TCP11: variants seen among roughly 807,000 people sequenced by gnomAD.
The protein encoded by TCP11 is t-complex 11.
Under a neutral mutation model 45.0 loss-of-function variants are expected in TCP11, and 34 were observed. The ratio of observed to expected loss-of-function variants is 0.76; its 90% CI spans 0.57 to 1.01. TCP11 has a LOEUF of 1.01. TCP11 is among the 50% of genes least tolerant of loss of function. The probability of loss-of-function intolerance (pLI) is 0.00; values close to 1 mark genes in which losing one functional copy is unlikely to be tolerated. For missense variants in TCP11, 523 were observed against 598.1 expected (o/e 0.87, Z 1.31); for synonymous variants, 227 against 227.0 (o/e 1.00, Z 0.00).
intron 2 of TCP11, chr6:35,140,129 A>G: frequency 6.2e-7 from 1 of 1,612,882 alleles, no homozygotes; most frequent in Non-Finnish European, 8.5e-7. Flanking sequence ...TTCAGCCGCA[A>G]AGCCTCAATC....
intron 2 of TCP11, among the ~76,000 whole-genome samples, chr6:35,138,787 C>T (rs550820146): frequency 6.6e-6 from 1 of 152,094 alleles, no homozygotes; most frequent in African/African-American, 2.4e-5. Flanking sequence ...TGATGTGTAC[C>T]GCATTTACCC....
chr6:35,133,322 G>A (rs539338411), intron 3 of TCP11, among the ~76,000 whole-genome samples: 35 of 152,022 alleles, frequency 2.3e-4, no homozygotes, highest in African/African-American at 7.7e-4. Flanking sequence ...GACTACAGGC[G>A]TGCACCACCA....
At chr6:35,119,206 A>ACTAC (rs758285561) in intron 9 of TCP11, 22 bp downstream of exon 9, 14 of 1,612,550 alleles carry the variant, frequency 8.7e-6, no homozygotes, top group Admixed American at 6.7e-5. Flanking sequence ...CACCATTCTT[A>ACTAC]CTACCCCACA....
At chr6:35,118,766 T>C (rs191814743) in intron 9 of TCP11, among the ~76,000 whole-genome samples, 117 of 152,338 alleles carry the variant, frequency 7.7e-4, no homozygotes, top group Non-Finnish European at 1.2e-3. Context: ...TAGTGAGTGT[T>C]TGACATAACA....
intron 4 of TCP11, chr6:35,128,814 T>G: frequency 2.3e-6 from 1 of 428,830 alleles, no homozygotes; most frequent in Non-Finnish European, 4.1e-6. Flanking sequence ...TAGATGCCCT[T>G]TTATCTGATA....
chr6:35,129,064 C>CT lies in TCP11; in HGVS notation c.354dup (p.Glu119ArgfsTer17). 1 of 1,613,818 alleles carries CT rather than the reference C, an allele frequency of 6.2e-7. No homozygotes were observed. The highest frequency in any genetic ancestry group is 1.3e-5 in the African/African-American group (1 of 75,032). Reference sequence around the variant, plus strand: ...TTTACAAATGGAAGGTCACTCACCTCTTTAATTTCTTTCAGAAGTTCAAGA... The same window carrying CT: ...TTTACAAATGGAAGGTCACTCACCTCTTTTAATTTCTTTCAGAAGTTCAAGA... On this transcript the variant is annotated frameshift_variant, in exon 4 of 10. Coordinates refer to ENST00000311875, the MANE Select transcript of TCP11 (RefSeq NM_001370687.1). LOFTEE classifies it high-confidence loss of function.
At position 35,129,125 on chromosome 6, in the gene TCP11, C is replaced by T. The variant is rs747026593; in HGVS notation, c.294G>A (p.Glu98=). 3.1e-6 allele frequency: 5 copies of T among 1,614,128 alleles called. No individual in the cohort carries two copies. In the East Asian group the frequency reaches 1.1e-4, roughly 36 times the overall value. ...AGTCAGGGGGAGTTGCTGATAGTTG[C>T]TCTTTAAGATGGTCCCAAAAGGCAT... The part of the protein sequence containing the change: ...VHNAFWDHLK[E]QLSATPPDFS... The change falls in exon 4 of 10, where the codon GAG becomes GAA. Residue 98 remains glutamate (E), a synonymous_variant. Coordinates refer to ENST00000311875, the MANE Select transcript of TCP11 (RefSeq NM_001370687.1).
At chr6:35,126,670 T>G (rs1316100715) in intron 4 of TCP11, among the ~76,000 whole-genome samples, 2 of 147,880 alleles carry the variant, frequency 1.4e-5, no homozygotes, top group Admixed American at 1.4e-4. Context: ...TTTTTTTTTT[T>G]TTTTTTGAGA....
At chr6:35,121,458 C>T (rs1236534772) in intron 5 of TCP11, among the ~76,000 whole-genome samples, 4 of 146,784 alleles carry the variant, frequency 2.7e-5, no homozygotes, top group African/African-American at 5.1e-5. Context: ...TTGTGAAATA[C>T]GGATGACCAC....
intron 3 of TCP11, among the ~76,000 whole-genome samples, chr6:35,134,430 A>AC (rs1177826003): frequency 1.3e-5 from 2 of 151,758 alleles, no homozygotes. Flanking sequence ...ACAGGCTCGC[A>AC]CCACCATGCC....
chr6:35,122,203 G>T lies in TCP11; in HGVS notation c.492C>A (p.Leu164=). The T allele has an allele frequency of 6.2e-7, 1 of 1,614,198 alleles. No homozygotes were observed. The highest frequency in any genetic ancestry group is 8.5e-7 in the Non-Finnish European group (1 of 1,180,048). Residue 164 remains leucine (L), a synonymous_variant, in exon 5 of 10, where the codon CTC becomes CTA. Transcript: ENST00000311875. ...LKVLYLSKYV[L]NMMALLCAPV... ...GTGCACACAGCAAAGCCATCATGTT[G>T]AGAACGTACTTAGAGAGATAGAGGA...
Position 35,119,286 on chromosome 6 carries a change from A to C in TCP11, c.1221T>G (p.Ser407=), listed in dbSNP as rs2234048. The C allele has an allele frequency of 5.4e-4, 865 of 1,614,204 alleles. 4 individuals carry two copies. In the African/African-American group the frequency reaches 9.9e-3, roughly 18 times the overall value. The stretch of plus-strand genomic sequence containing the variant: ...CAATGTTCTGGAGCTGTCCCATTAG[A>C]GATGCTGTATTATCACTGCTTAGAG... The part of the protein sequence containing the change: ...LVALSSDNTA[S]LMGQLQNIAK... Residue 407 remains serine, a synonymous_variant, in exon 9 of 10, where the codon TCT becomes TCG. Coordinates refer to ENST00000311875, the MANE Select transcript of TCP11 (RefSeq NM_001370687.1).
At position 35,141,098 on chromosome 6, in the gene TCP11, A is replaced by T. The variant is rs1051095471; in HGVS notation, c.-15+107T>A. On this transcript the variant is annotated intron_variant, in intron 1 of 9. Transcript: ENST00000311875. Reference sequence around the variant, plus strand: ...GCAACGAGGAAACTAAAGCCACAGAAGCCCGGCGCAGGGCGGGAAGCGTGG... The same window carrying T: ...GCAACGAGGAAACTAAAGCCACAGATGCCCGGCGCAGGGCGGGAAGCGTGG... The T allele has an allele frequency of 5.5e-6, 7 of 1,275,050 alleles. No homozygotes were observed. The African/African-American group carries it at 1.1e-4, about 20-fold the overall frequency. 79.0% of individuals were successfully genotyped at this position (1,275,050 alleles called of 1,614,324 possible). A position where few individuals can be genotyped will look rare whatever the true frequency, so the allele number is the denominator to read the frequency against.
At chr6:35,118,733 TTAAG>T (rs1453179503) in intron 9 of TCP11, among the ~76,000 whole-genome samples, 1 of 152,174 alleles carries the variant, frequency 6.6e-6, no homozygotes, top group African/African-American at 2.4e-5. Flanking sequence ...AAAAGATTGT[TTAAG>T]TAGCCATCAG....
At chr6:35,124,894 A>T (rs1779651076) in intron 4 of TCP11, among the ~76,000 whole-genome samples, 1 of 151,494 alleles carries the variant, frequency 6.6e-6, no homozygotes, top group Non-Finnish European at 1.5e-5. Context: ...ATATATATAT[A>T]TTAATTCAAA....
chr6:35,138,915 C>T (rs1781412902), intron 2 of TCP11, among the ~76,000 whole-genome samples: 1 of 152,218 alleles, frequency 6.6e-6, no homozygotes, highest in Non-Finnish European at 1.5e-5. Flanking sequence ...AGGCCAGGTG[C>T]TGTGGCTCTT....
chr6:35,141,319 G>A lies in TCP11; in HGVS notation c.-129C>T, dbSNP rs1339189303. ...GGCGGGTTGGGGCGTCGCACGGTGA[G>A]AAAGGCCGGGGCCTGAGAACAAACC... is the stretch of plus-strand genomic sequence containing the variant. On this transcript the variant is annotated 5_prime_UTR_variant, in exon 1 of 10. Coordinates refer to ENST00000311875, the MANE Select transcript of TCP11 (RefSeq NM_001370687.1). 5.6e-6 allele frequency: 7 copies of A among 1,248,418 alleles called. No individual in the cohort carries two copies. The highest frequency in any genetic ancestry group is 3.2e-5 in the East Asian group (1 of 31,324). 77.3% of individuals were successfully genotyped at this position (1,248,418 alleles called of 1,614,324 possible). A position where few individuals can be genotyped will look rare whatever the true frequency, so the allele number is the denominator to read the frequency against.
chr6:35,126,158 A>T (rs1242364471), intron 4 of TCP11, among the ~76,000 whole-genome samples: 1 of 152,232 alleles, frequency 6.6e-6, no homozygotes, highest in Non-Finnish European at 1.5e-5. Context: ...TTGCCACAAC[A>T]AAAACAAATC....
intron 2 of TCP11, chr6:35,140,496 T>C (rs1350124985): frequency 1.8e-5 from 11 of 623,256 alleles, no homozygotes; most frequent in Non-Finnish European, 1.8e-5. Flanking sequence ...AAGGAGGGCT[T>C]TGAACCGACT....
Sources: gnomAD v4.1 joint callset for allele counts (sites outside exome capture counted in the v4.1 genomes callset) on GRCh38, gnomAD v4.1.1 for gene constraint, MANE v1.5 for transcripts, NCBI Gene and HGNC (gene_info 2026-07-23, HGNC 2026-07-21) for gene names.